The following EXOC4 variants were observed in gnomAD, a reference collection of about 807,000 sequenced individuals.
EXOC4 encodes exocyst complex component 4, also known as SEC8-like 1.
In EXOC4, 71 loss-of-function variants were observed where a neutral mutation model predicts 107.2. The ratio of observed to expected loss-of-function variants is 0.66; its 90% CI spans 0.55 to 0.81. EXOC4 has a LOEUF of 0.81. Ranked by LOEUF, EXOC4 falls within the 30% of genes least tolerant of loss-of-function variation. The pLI is 0.00. For missense variants in EXOC4, 1,108 were observed against 1,189.6 expected (o/e 0.93, Z 1.01); for synonymous variants, 456 against 441.2 (o/e 1.03, Z -0.42).
intron 10 of EXOC4, among the ~76,000 whole-genome samples, chr7:133,708,225 G>T (rs955800293): frequency 6.6e-6 from 1 of 152,118 alleles, no homozygotes. Flanking sequence ...TTCTTCATAC[G>T]TGACTTGATA....
chr7:133,540,544 A>G (rs1584986272), intron 9 of EXOC4, among the ~76,000 whole-genome samples: 1 of 152,188 alleles, frequency 6.6e-6, no homozygotes, highest in East Asian at 1.9e-4. Context: ...TTGCCTTTTT[A>G]TTCACTTTCA....
intron 7 of EXOC4, among the ~76,000 whole-genome samples, chr7:133,474,623 T>G (rs1798965002): frequency 6.6e-6 from 1 of 152,110 alleles, no homozygotes; most frequent in Admixed American, 6.5e-5. Flanking sequence ...AGTAGTTGAT[T>G]TTTTAAAAAG....
At chr7:133,927,692 A>C (rs1253007352) in intron 13 of EXOC4, among the ~76,000 whole-genome samples, 2 of 152,228 alleles carry the variant, frequency 1.3e-5, no homozygotes, top group Admixed American at 6.5e-5. Context: ...GAAAACATGA[A>C]TATATTAAAT....
chr7:133,484,392 T>A (rs1479185447), intron 9 of EXOC4, among the ~76,000 whole-genome samples: 2 of 152,160 alleles, frequency 1.3e-5, no homozygotes, highest in Non-Finnish European at 2.9e-5. Context: ...GGTTTTAGTC[T>A]CTGCCGCTTC....
chr7:133,380,599 G>T (rs1376031048), intron 7 of EXOC4, among the ~76,000 whole-genome samples: 1 of 152,030 alleles, frequency 6.6e-6, no homozygotes, highest in African/African-American at 2.4e-5. Flanking sequence ...ATAGATCTAT[G>T]ATCTTTATTT....
chr7:133,582,337 T>G (rs151278166), intron 9 of EXOC4, among the ~76,000 whole-genome samples: 2,532 of 152,326 alleles, frequency 0.017, 43 homozygotes, highest in South Asian at 0.028. Context: ...CTGTGTAGTA[T>G]TCAAAGGTGG....
At chr7:133,826,582 C>T (rs151199121) in intron 11 of EXOC4, among the ~76,000 whole-genome samples, 4 of 152,198 alleles carry the variant, frequency 2.6e-5, no homozygotes, top group Admixed American at 6.5e-5. Flanking sequence ...ATGAAGTCTT[C>T]TACATATTGA....
chr7:133,749,125 T>A (rs948005844), intron 10 of EXOC4, among the ~76,000 whole-genome samples: 2 of 152,224 alleles, frequency 1.3e-5, no homozygotes, highest in Admixed American at 6.5e-5. Flanking sequence ...TTCGTACATA[T>A]AACTCACTAT....
intron 9 of EXOC4, among the ~76,000 whole-genome samples, chr7:133,537,145 A>G (rs570558033): frequency 9.2e-5 from 13 of 141,840 alleles, no homozygotes; most frequent in African/African-American, 2.5e-4. Context: ...CACTGTTTAT[A>G]TATCTTGATT....
rs566926589 is a variant in EXOC4 at position 133,483,289 on chromosome 7, T to C, written c.1417+3151T>C. ...CCACTTTCAGCTTTATAGTTTTCCA[T>C]TAGTCTTTAAGTTGAAGGCAAAGTA... On this transcript the variant is annotated intron_variant, in intron 9 of 17. Coordinates refer to ENST00000253861, the MANE Select transcript of EXOC4 (RefSeq NM_021807.4). 2.0e-3 allele frequency among the ~76,000 whole-genome samples: 311 copies of C among 152,264 alleles called. No individual in the cohort carries two copies. In the Middle Eastern group the frequency reaches 0.031, roughly 15 times the overall value.
intron 7 of EXOC4, among the ~76,000 whole-genome samples, chr7:133,472,066 A>G (rs1348182636): frequency 6.6e-6 from 1 of 152,224 alleles, no homozygotes; most frequent in Non-Finnish European, 1.5e-5. Flanking sequence ...GAATGCCCAC[A>G]TATATTCAGG....
At chr7:133,645,572 A>G (rs1447324026) in intron 10 of EXOC4, among the ~76,000 whole-genome samples, 1 of 152,026 alleles carries the variant, frequency 6.6e-6, no homozygotes, top group Non-Finnish European at 1.5e-5. Context: ...AGCACACACT[A>G]GATTCTCAGT....
At chr7:134,022,959 A>G (rs992296874) in intron 17 of EXOC4, among the ~76,000 whole-genome samples, 1 of 152,198 alleles carries the variant, frequency 6.6e-6, no homozygotes, top group South Asian at 2.1e-4. Context: ...AGGTTTGCTT[A>G]ATTTCCCATA....
chr7:133,928,319 TC>T (rs1379113053), intron 13 of EXOC4, among the ~76,000 whole-genome samples: 1 of 152,088 alleles, frequency 6.6e-6, no homozygotes, highest in Admixed American at 6.5e-5. Flanking sequence ...GCAGAAGTGT[TC>T]CTGAGACAAG....
intron 10 of EXOC4, among the ~76,000 whole-genome samples, chr7:133,788,439 A>G (rs768655413): frequency 2.7e-4 from 41 of 151,900 alleles, no homozygotes; most frequent in Non-Finnish European, 5.7e-4. Flanking sequence ...ATCTCAGTAA[A>G]TGCTTCACCC....
chr7:133,283,828 C>T (rs149169158), intron 2 of EXOC4, among the ~76,000 whole-genome samples: 62 of 152,250 alleles, frequency 4.1e-4, no homozygotes, highest in South Asian at 1.2e-3. Flanking sequence ...TTCCCTATTC[C>T]GGAACTTCGT....
Position 133,815,444 on chromosome 7 carries a change from A to G in EXOC4, c.1515-1881A>G, listed in dbSNP as rs1397957504. Among the ~76,000 whole-genome samples the G allele has an allele frequency of 2.6e-5, 4 of 152,106 alleles. No individual in the cohort carries two copies. The East Asian group carries it at 7.7e-4, about 29-fold the overall frequency. On this transcript the variant is annotated intron_variant, in intron 10 of 17. Transcript: ENST00000253861. ...TTTATAAATATATACAGAAATGAAA[A>G]ATAAGAAAACTGATATGTATTTAGT...
intron 7 of EXOC4, among the ~76,000 whole-genome samples, chr7:133,406,500 A>AT (rs1399921230): frequency 3.9e-5 from 6 of 152,078 alleles, no homozygotes; most frequent in Non-Finnish European, 8.8e-5. Context: ...CTGGAATTGT[A>AT]TTTTTTTAAA....
chr7:134,097,567 G>T, the EXOC4 span, among the ~76,000 whole-genome samples: 1 of 152,136 alleles, frequency 6.6e-6, no homozygotes, highest in Admixed American at 6.5e-5. Context: ...GGAAAATGGA[G>T]GAGAAAATGG....
Sources: allele counts gnomAD v4.1 joint callset (sites outside exome capture counted in the v4.1 genomes callset), GRCh38; gene constraint gnomAD v4.1.1; transcripts MANE v1.5; gene names NCBI Gene and HGNC (gene_info 2026-07-23, HGNC 2026-07-21).